CNOT6: variants seen among roughly 807,000 people sequenced by gnomAD.
The protein encoded by CNOT6 is CCR4-NOT transcription complex subunit 6, also known as carbon catabolite repression 4 protein.
Under a neutral mutation model 61.2 loss-of-function variants are expected in CNOT6, and 12 were observed. The ratio of observed to expected loss-of-function variants is 0.20; its 90% CI spans 0.13 to 0.32. The LOEUF (loss-of-function observed/expected upper bound fraction) is 0.32. Among genes scored for constraint, CNOT6 ranks in the 10% least tolerant of loss-of-function variants. The pLI is 1.00. For synonymous variants in CNOT6, 225 were observed against 240.6 expected, an observed-to-expected ratio of 0.94 and a Z score of 0.60; for missense variants, 405 against 663.9, an observed-to-expected ratio of 0.61 and a Z score of 4.28.
At chr5:180,543,228 T>G (rs1226030095) in intron 2 of CNOT6, among the ~76,000 whole-genome samples, 1 of 151,952 alleles carries the variant, frequency 6.6e-6, no homozygotes, top group Non-Finnish European at 1.5e-5. Flanking sequence ...CTGGCTAAAT[T>G]TTTTGTGATT....
chr5:180,549,429 C>T (rs574532945), intron 2 of CNOT6, among the ~76,000 whole-genome samples: 1 of 152,152 alleles, frequency 6.6e-6, no homozygotes, highest in South Asian at 2.1e-4. Context: ...GCGGGCAGAT[C>T]ACAAGGTCAG....
Position 180,531,313 on chromosome 5 carries a change from C to CG in CNOT6, c.112+1927dup, listed in dbSNP as rs748320552. Among the ~76,000 whole-genome samples the CG allele has an allele frequency of 7.3e-5, 11 of 150,432 alleles. No individual in the cohort carries two copies. In the East Asian group the frequency reaches 2.2e-3, roughly 30 times the overall value. On this transcript the variant is annotated intron_variant, in intron 2 of 11. Coordinates refer to ENST00000261951, the MANE Select transcript of CNOT6 (RefSeq NM_001370472.1). ...GCTTCTCACCTCCCAGACGGGGTAG[C>CG]GGTCGGGCAGAGACACTCCTCAGTT...
intron 1 of CNOT6, among the ~76,000 whole-genome samples, chr5:180,502,196 C>G (rs1756894877): frequency 1.3e-5 from 2 of 152,128 alleles, no homozygotes; most frequent in South Asian, 2.1e-4. Context: ...TCCAAACGTT[C>G]CCCTGATCTA....
chr5:180,505,376 C>A (rs1188278297), intron 1 of CNOT6, among the ~76,000 whole-genome samples: 1 of 141,166 alleles, frequency 7.1e-6, no homozygotes, highest in African/African-American at 2.7e-5. Context: ...CTGCCTCAGC[C>A]TCCCGAGTAG....
intron 1 of CNOT6, among the ~76,000 whole-genome samples, chr5:180,508,739 C>T (rs1384669577): frequency 6.6e-6 from 1 of 152,114 alleles, no homozygotes; most frequent in African/African-American, 2.4e-5. Context: ...CCTTCCACCT[C>T]ATTCTCCCAG....
At chr5:180,558,174 T>C (rs1759994151) in intron 4 of CNOT6, among the ~76,000 whole-genome samples, 1 of 152,136 alleles carries the variant, frequency 6.6e-6, no homozygotes, top group South Asian at 2.1e-4. Flanking sequence ...GGGAACACAC[T>C]CCAGGCTACT....
intron 2 of CNOT6, among the ~76,000 whole-genome samples, chr5:180,549,407 T>C (rs934706284): frequency 3.3e-5 from 5 of 152,174 alleles, no homozygotes; most frequent in African/African-American, 1.2e-4. Flanking sequence ...CCCAGCACTT[T>C]TGGAGGCCAA....
In CNOT6 at chr5:180,564,502, C is replaced by T; in HGVS notation, c.399C>T (p.Thr133=). ...QTLGLKGNPL[T]QDILNLYQEP... ...AAATATTTCCAGGAAATCCCCTTAC[C>T]CAGGATATATTGAACCTTTATCAGG... Residue 133 remains threonine (T), a synonymous_variant, in exon 5 of 12, where the codon ACC becomes ACT. Transcript: ENST00000261951. 1 of 1,610,848 alleles carries T rather than the reference C, an allele frequency of 6.2e-7. No individual in the cohort carries two copies. Among genetic ancestry groups the T allele is most frequent in the Non-Finnish European group, 8.5e-7 (1 of 1,177,352 alleles).
intron 2 of CNOT6, among the ~76,000 whole-genome samples, chr5:180,547,441 AC>A: frequency 6.6e-6 from 1 of 151,912 alleles, no homozygotes; most frequent in East Asian, 2.0e-4. Context: ...AATCGCTTGA[AC>A]CTGGGAGGCA....
chr5:180,553,204 T>C (rs967165433), intron 3 of CNOT6, among the ~76,000 whole-genome samples, 182 bp from the exon 4 acceptor site: 5 of 152,318 alleles, frequency 3.3e-5, no homozygotes, highest in African/African-American at 1.2e-4. Flanking sequence ...TTGTTTCTTG[T>C]ATTCTCTGGC....
At chr5:180,569,451 T>C (rs1760635319) in intron 10 of CNOT6, 111 bp downstream of exon 10, 1 of 842,686 alleles carries the variant, frequency 1.2e-6, no homozygotes. Context: ...CAGTTTGTAA[T>C]GGCAGCTATG....
At chr5:180,515,331 G>C (rs1757587005) in intron 1 of CNOT6, among the ~76,000 whole-genome samples, 1 of 152,088 alleles carries the variant, frequency 6.6e-6, no homozygotes, top group Admixed American at 6.6e-5. Context: ...GCCTATGATT[G>C]CACCACTGCA....
chr5:180,533,330 A>ATATATATATG (rs1758494536), intron 2 of CNOT6, among the ~76,000 whole-genome samples: 1 of 98,874 alleles, frequency 1.0e-5, no homozygotes, highest in Non-Finnish European at 2.5e-5. Flanking sequence ...ATATATATAT[A>ATATATATATG]TATATATATA....
intron 2 of CNOT6, among the ~76,000 whole-genome samples, chr5:180,535,011 C>T (rs1383814820): frequency 1.9e-4 from 14 of 74,472 alleles, no homozygotes; most frequent in Non-Finnish European, 3.7e-4. Context: ...CCCTGGGGTC[C>T]GAGAGGCCCT....
Position 180,569,188 on chromosome 5 carries a change from C to G in CNOT6, c.1106C>G (p.Ser369Cys). The G allele has an allele frequency of 6.2e-7, 1 of 1,614,152 alleles. No homozygotes were observed. The highest frequency in any genetic ancestry group is 1.3e-5 in the African/African-American group (1 of 75,048). The stretch of plus-strand genomic sequence containing the variant: ...CACATGCATTGGGACCCTGAATACT[C>G]TGATGTGAAGTTGGTACAAACTATG... ...NAHMHWDPEY[S>C]DVKLVQTMMF... The change falls in exon 10 of 12, where the codon TCT (serine) becomes TGT (cysteine). Residue 369 changes from serine to cysteine, a missense_variant. By Grantham distance (112) the Ser-to-Cys change is moderately radical (BLOSUM62 -1). Transcript: ENST00000261951.
intron 1 of CNOT6, among the ~76,000 whole-genome samples, chr5:180,521,948 A>G (rs528386129): frequency 1.4e-4 from 21 of 152,348 alleles, no homozygotes; most frequent in Admixed American, 1.1e-3. Flanking sequence ...TGTTGATGGC[A>G]GCTAGGTTGA....
intron 1 of CNOT6, among the ~76,000 whole-genome samples, chr5:180,503,496 C>G (rs1756981219): frequency 2.0e-5 from 3 of 151,638 alleles, no homozygotes; most frequent in African/African-American, 7.3e-5. Flanking sequence ...AACTCCTGAC[C>G]TGAAGTGATG....
Position 180,575,829 on chromosome 5 carries a change from A to G in CNOT6, c.*1629A>G, listed in dbSNP as rs1426766331. On this transcript the variant is annotated 3_prime_UTR_variant, in exon 12 of 12. Transcript: ENST00000261951. ...GACGCCATGTGAGCATTAGGAAAAA[A>G]AATACTCACTCTTACTAACAATTTT... 1 of 152,592 alleles carries G rather than the reference A, an allele frequency of 6.6e-6. No homozygotes were observed. Among genetic ancestry groups the G allele is most frequent in the Non-Finnish European group, 1.5e-5 (1 of 68,034 alleles). 9.5% of individuals were successfully genotyped at this position (152,592 alleles called of 1,614,324 possible). A position where few individuals can be genotyped will look rare whatever the true frequency, so the allele number is the denominator to read the frequency against.
chr5:180,514,382 A>T (rs1330782339), intron 1 of CNOT6, among the ~76,000 whole-genome samples: 1 of 152,220 alleles, frequency 6.6e-6, no homozygotes. Context: ...AGATAGCGCC[A>T]CTGCACTCCA....
Sources: gnomAD v4.1 joint callset for allele counts (sites outside exome capture counted in the v4.1 genomes callset) on GRCh38, gnomAD v4.1.1 for gene constraint, MANE v1.5 for transcripts, NCBI Gene and HGNC (gene_info 2026-07-23, HGNC 2026-07-21) for gene names.